ZNF365: variants seen among roughly 807,000 people sequenced by gnomAD.
ZNF365 encodes the protein zinc finger protein 365, also known as protein ZNF365.
Under a neutral mutation model 35.0 loss-of-function variants are expected in ZNF365, and 22 were observed. The ratio of observed to expected loss-of-function variants is 0.63; its 90% CI spans 0.45 to 0.90. ZNF365 has a LOEUF of 0.90. Ranked by LOEUF, ZNF365 falls within the 40% of genes least tolerant of loss-of-function variation. The pLI is 0.00. For missense variants in ZNF365, 448 were observed against 500.3 expected, an observed-to-expected ratio of 0.90 and a Z score of 1.00; for synonymous variants, 188 against 196.2, an observed-to-expected ratio of 0.96 and a Z score of 0.35.
chr10:62,430,617 C>T (rs1156796755), intron 3 of ZNF365, among the ~76,000 whole-genome samples: 2 of 152,136 alleles, frequency 1.3e-5, no homozygotes, highest in Admixed American at 6.5e-5. Flanking sequence ...CCATAAAACT[C>T]CAACCCTGGA....
intron 3 of ZNF365, among the ~76,000 whole-genome samples, chr10:62,428,524 T>G (rs1196177654): frequency 7.9e-6 from 1 of 126,946 alleles, no homozygotes; most frequent in Non-Finnish European, 1.8e-5. Context: ...CAGCCATGAT[T>G]GTAAGTTTCC....
rs550131684 is a variant in ZNF365, at chr10:62,401,921, T to A, written c.*2132T>A. ...GAGATTTGTTTATTATATTAAAATG[T>A]TTTTTTACGTTCCCACTAAATTTTG... On this transcript the variant is annotated 3_prime_UTR_variant, in exon 5 of 5. Coordinates refer to ENST00000395254, the MANE Select transcript of ZNF365 (RefSeq NM_014951.3). The A allele has an allele frequency of 8.1e-6, 8 of 985,288 alleles. No homozygotes were observed. In the African/African-American group the frequency reaches 1.0e-4, roughly 13 times the overall value. 61.0% of individuals were successfully genotyped at this position (985,288 alleles called of 1,614,324 possible). A position where few individuals can be genotyped will look rare whatever the true frequency, so the allele number is the denominator to read the frequency against.
chr10:62,448,434 A>G (rs556170258), intron 3 of ZNF365, among the ~76,000 whole-genome samples: 1 of 152,316 alleles, frequency 6.6e-6, no homozygotes, highest in East Asian at 1.9e-4. Flanking sequence ...ACCAATGTGG[A>G]GGCAGAGCTG....
At chr10:62,432,204 C>A (rs1840344942) in intron 3 of ZNF365, among the ~76,000 whole-genome samples, 1 of 152,114 alleles carries the variant, frequency 6.6e-6, no homozygotes, top group South Asian at 2.1e-4. Context: ...GTGAGGGGTC[C>A]AGCCTTTGTC....
chr10:62,374,986 G>A (rs1034132831), intron 1 of ZNF365, among the ~76,000 whole-genome samples: 1 of 152,188 alleles, frequency 6.6e-6, no homozygotes, highest in African/African-American at 2.4e-5. Flanking sequence ...CTCTCTGGGG[G>A]CCGGGGGCTT....
At chr10:62,446,754 T>G (rs1840596108) in intron 3 of ZNF365, among the ~76,000 whole-genome samples, 1 of 152,180 alleles carries the variant, frequency 6.6e-6, no homozygotes, top group Non-Finnish European at 1.5e-5. Flanking sequence ...TTCTGGGATT[T>G]TGCCACCCTG....
chr10:62,473,833 C>A (rs559987818), intron 4 of ZNF365, among the ~76,000 whole-genome samples: 1 of 152,166 alleles, frequency 6.6e-6, no homozygotes, highest in Non-Finnish European at 1.5e-5. Context: ...TTCACTCTAA[C>A]AAGAACTCCA....
chr10:62,461,890 A>T (rs1450318521), intron 4 of ZNF365, among the ~76,000 whole-genome samples: 1 of 152,234 alleles, frequency 6.6e-6, no homozygotes, highest in East Asian at 1.9e-4. Context: ...CTATCAACTT[A>T]TATTAAAAAT....
At chr10:62,448,104 A>G (rs1564593559) in intron 3 of ZNF365, among the ~76,000 whole-genome samples, 1 of 152,132 alleles carries the variant, frequency 6.6e-6, no homozygotes, top group East Asian at 1.9e-4. Flanking sequence ...TTTTTGTTGC[A>G]TTTAAAAGTG....
chr10:62,419,429 A>G (rs1486040875), intron 3 of ZNF365, among the ~76,000 whole-genome samples: 1 of 151,846 alleles, frequency 6.6e-6, no homozygotes, highest in East Asian at 1.9e-4. Flanking sequence ...TATCTAGAAG[A>G]CTTAGATCCA....
chr10:62,383,303 TG>T (rs1839471566), intron 2 of ZNF365, among the ~76,000 whole-genome samples: 2 of 152,310 alleles, frequency 1.3e-5, no homozygotes, highest in Admixed American at 1.3e-4. Flanking sequence ...TTCATTGTGA[TG>T]TGCATGGTGA....
At chr10:62,464,045 A>G (rs892314164) in intron 4 of ZNF365, among the ~76,000 whole-genome samples, 1 of 152,192 alleles carries the variant, frequency 6.6e-6, no homozygotes, top group African/African-American at 2.4e-5. Flanking sequence ...CAATAGGCCT[A>G]ATATTGAGCC....
intron 3 of ZNF365, among the ~76,000 whole-genome samples, chr10:62,389,433 A>G (rs1353891216): frequency 9.6e-6 from 1 of 104,278 alleles, no homozygotes; most frequent in Non-Finnish European, 2.4e-5. Flanking sequence ...ATTTAAAAAT[A>G]GTTTTGTTTT....
intron 4 of ZNF365, among the ~76,000 whole-genome samples, chr10:62,461,181 A>G (rs1027237608): frequency 2.0e-5 from 3 of 152,204 alleles, no homozygotes; most frequent in Non-Finnish European, 2.9e-5. Context: ...CAGGCCTTAA[A>G]GACAAGTACA....
At chr10:62,450,005 A>G (rs1840653325) in intron 3 of ZNF365, among the ~76,000 whole-genome samples, 1 of 151,242 alleles carries the variant, frequency 6.6e-6, no homozygotes, top group South Asian at 2.1e-4. Flanking sequence ...GGGTGCAGTG[A>G]CTCACACCTG....
chr10:62,384,758 G>C (rs1839499716), intron 2 of ZNF365, among the ~76,000 whole-genome samples: 1 of 152,168 alleles, frequency 6.6e-6, no homozygotes, highest in Non-Finnish European at 1.5e-5. Flanking sequence ...TTGCAATGTG[G>C]GATCTGAAAC....
intron 4 of ZNF365, among the ~76,000 whole-genome samples, chr10:62,474,249 AG>A (rs970664809): frequency 4.6e-5 from 7 of 152,224 alleles, no homozygotes; most frequent in Admixed American, 4.6e-4. Flanking sequence ...CATCCAGAGC[AG>A]GGCACACAAA....
At chr10:62,467,257 A>G (rs1176067387) in intron 4 of ZNF365, among the ~76,000 whole-genome samples, 4 of 152,240 alleles carry the variant, frequency 2.6e-5, no homozygotes, top group Non-Finnish European at 5.9e-5. Context: ...AGTTCACTGC[A>G]TGATTCAATG....
intron 3 of ZNF365, among the ~76,000 whole-genome samples, chr10:62,427,532 T>C (rs983079224): frequency 1.3e-5 from 2 of 152,196 alleles, no homozygotes; most frequent in Non-Finnish European, 2.9e-5. Context: ...TAAGGATGCG[T>C]GACTTACACA....
Sources: allele counts gnomAD v4.1 joint callset (sites outside exome capture counted in the v4.1 genomes callset), GRCh38; gene constraint gnomAD v4.1.1; transcripts MANE v1.5; gene names NCBI Gene and HGNC (gene_info 2026-07-23, HGNC 2026-07-21).